PCTP: variants seen among roughly 807,000 people sequenced by gnomAD.
The protein encoded by PCTP is START domain-containing protein 2.
Under a neutral mutation model 31.0 loss-of-function variants are expected in PCTP, and 27 were observed. The observed-to-expected ratio is 0.87, with a 90% confidence interval of 0.64 to 1.20. The LOEUF is 1.20. Ranked by LOEUF, PCTP falls within the 50% of genes most tolerant of loss-of-function variation. The probability of loss-of-function intolerance (pLI) is 0.00; values close to 1 mark genes in which losing one functional copy is unlikely to be tolerated. For missense variants in PCTP, 287 were observed against 268.2 expected (o/e 1.07, Z -0.49); for synonymous variants, 108 against 101.2 (o/e 1.07, Z -0.40).
At chr17:55,784,462 A>G (rs900990033) in intron 2 of PCTP, among the ~76,000 whole-genome samples, 4 of 152,110 alleles carry the variant, frequency 2.6e-5, no homozygotes, top group South Asian at 4.1e-4. Flanking sequence ...AATAACAACC[A>G]TAATAATAAT....
intron 5 of PCTP, among the ~76,000 whole-genome samples, chr17:55,837,631 C>T (rs1377583813): frequency 6.6e-6 from 1 of 152,134 alleles, no homozygotes; most frequent in East Asian, 1.9e-4. Flanking sequence ...CTTTGTCTCC[C>T]TCACCAGCTC....
intron 3 of PCTP, among the ~76,000 whole-genome samples, chr17:55,801,769 T>C (rs2145027032): frequency 6.6e-6 from 1 of 152,192 alleles, no homozygotes; most frequent in Admixed American, 6.5e-5. Flanking sequence ...GTGGGCAAGA[T>C]CTAAGATTGA....
chr17:55,797,855 C>G (rs980848780), intron 3 of PCTP, among the ~76,000 whole-genome samples: 3 of 151,828 alleles, frequency 2.0e-5, no homozygotes, highest in African/African-American at 7.3e-5. Flanking sequence ...ACCAGGCATG[C>G]AAGGATATGA....
intron 3 of PCTP, among the ~76,000 whole-genome samples, chr17:55,816,256 T>G (rs1455391684): frequency 1.3e-5 from 2 of 152,180 alleles, no homozygotes; most frequent in East Asian, 3.8e-4. Context: ...GCCAACATTC[T>G]CCAATCCTCC....
At chr17:55,775,874 T>C in intron 5 of PCTP, 161 bp from the exon 6 acceptor site, 1 of 1,390,110 alleles carries the variant, frequency 7.2e-7, no homozygotes. Flanking sequence ...CAGTCCTACT[T>C]TTTGTCATCA....
chr17:55,754,303 C>A (rs1226298335), intron 1 of PCTP, among the ~76,000 whole-genome samples: 1 of 152,188 alleles, frequency 6.6e-6, no homozygotes, highest in Non-Finnish European at 1.5e-5. Context: ...ATCCCATGAC[C>A]CCCTCCTTGG....
intron 5 of PCTP, among the ~76,000 whole-genome samples, chr17:55,839,919 C>CAAA (rs57402824): frequency 0.028 from 350 of 12,496 alleles, 75 homozygotes; most frequent in African/African-American, 0.085. Context: ...GACTCAGTCT[C>CAAA]AAAAAAAAAA....
chr17:55,751,170 C>T lies in PCTP; in HGVS notation c.67C>T (p.Pro23Ser), dbSNP rs1186105810. ...FWEACAELQQ[P>S]ALAGADWQLL... Reference sequence around the variant, plus strand: ...GGAGGCCTGCGCCGAGCTCCAGCAGCCCGCTCTGGCCGGGGCCGACTGGCA... The same window carrying T: ...GGAGGCCTGCGCCGAGCTCCAGCAGTCCGCTCTGGCCGGGGCCGACTGGCA... The change falls in exon 1 of 6, where the codon CCC (proline) becomes TCC (serine). Residue 23 changes from proline to serine, a missense_variant. Physicochemically the swap from Pro to Ser is moderately conservative, Grantham distance 74. Transcript: ENST00000268896. 3.9e-6 allele frequency: 6 copies of T among 1,548,464 alleles called. No homozygotes were observed. The South Asian group carries it at 4.8e-5, about 12-fold the overall frequency.
intron 1 of PCTP, among the ~76,000 whole-genome samples, chr17:55,765,701 C>T (rs1266995055): frequency 6.6e-6 from 1 of 152,218 alleles, no homozygotes; most frequent in Non-Finnish European, 1.5e-5. Flanking sequence ...AATTACGAAT[C>T]AGATCTGGTC....
At chr17:55,804,769 G>A (rs1046246786) in intron 3 of PCTP, among the ~76,000 whole-genome samples, 4 of 152,014 alleles carry the variant, frequency 2.6e-5, no homozygotes, top group Admixed American at 2.0e-4. Context: ...TGTAGATGAC[G>A]GGTTGATGGG....
intron 5 of PCTP, chr17:55,775,527 T>C: frequency 8.5e-7 from 1 of 1,176,238 alleles, no homozygotes; most frequent in Non-Finnish European, 1.1e-6. Context: ...AAGCCATGCA[T>C]TTCTTCCTTT....
chr17:55,751,445 G>T, intron 1 of PCTP: 1 of 1,533,696 alleles, frequency 6.5e-7, no homozygotes, highest in Non-Finnish European at 8.7e-7. Context: ...GCAGATCCAG[G>T]GGAGTTGGAA....
intron 5 of PCTP, among the ~76,000 whole-genome samples, chr17:55,834,267 C>T (rs1403945589): frequency 6.6e-6 from 1 of 152,064 alleles, no homozygotes; most frequent in Non-Finnish European, 1.5e-5. Context: ...AGACATGTGC[C>T]ACAGTGATTT....
At chr17:55,757,248 A>G (rs1284796337) in intron 1 of PCTP, among the ~76,000 whole-genome samples, 1 of 149,822 alleles carries the variant, frequency 6.7e-6, no homozygotes, top group Non-Finnish European at 1.5e-5. Context: ...ATGTATACAT[A>G]TATACACATA....
chr17:55,831,472 C>T (rs542032025), intron 5 of PCTP, among the ~76,000 whole-genome samples: 129 of 152,296 alleles, frequency 8.5e-4, no homozygotes, highest in Non-Finnish European at 1.5e-3. Flanking sequence ...TAGCCAACCG[C>T]TTTGGGCATC....
downstream of PCTP, among the ~76,000 whole-genome samples, chr17:55,779,175 A>C (rs1194620373): frequency 6.6e-6 from 1 of 152,236 alleles, no homozygotes; most frequent in Non-Finnish European, 1.5e-5. Context: ...GCTGGAGTCC[A>C]TCAGCATTGG....
intron 3 of PCTP, among the ~76,000 whole-genome samples, chr17:55,813,447 G>A (rs187773767): frequency 8.5e-5 from 13 of 152,102 alleles, no homozygotes; most frequent in Admixed American, 5.9e-4. Flanking sequence ...TTTCAGTAGA[G>A]ACAGGTTTTT....
At chr17:55,842,155 A>C (rs1906004419) in intron 5 of PCTP, among the ~76,000 whole-genome samples, 1 of 147,886 alleles carries the variant, frequency 6.8e-6, no homozygotes, top group Non-Finnish European at 1.5e-5. Context: ...ACAGGCAATA[A>C]ACAATAACTA....
chr17:55,792,051 C>T (rs925151136), intron 3 of PCTP, among the ~76,000 whole-genome samples: 2 of 147,324 alleles, frequency 1.4e-5, no homozygotes, highest in African/African-American at 5.1e-5. Context: ...TAAACTATCA[C>T]AAGAACAAAA....
Sources: gnomAD v4.1 joint callset for allele counts (sites outside exome capture counted in the v4.1 genomes callset) on GRCh38, gnomAD v4.1.1 for gene constraint, MANE v1.5 for transcripts, NCBI Gene and HGNC (gene_info 2026-07-23, HGNC 2026-07-21) for gene names.